RC3H2: variants seen among roughly 807,000 people sequenced by gnomAD.
The protein encoded by RC3H2 is ring finger and CCCH-type domains 2.
A neutral mutation model predicts 133.3 loss-of-function variants in RC3H2; 31 were observed. That is an observed-to-expected ratio of 0.23 (90% CI 0.17 to 0.31). The LOEUF (loss-of-function observed/expected upper bound fraction) is 0.31, where lower values mean the gene tolerates loss of function less well. RC3H2 is among the 10% of genes least tolerant of loss of function. RC3H2 has a pLI of 1.00. For missense variants in RC3H2, 1,175 were observed against 1,437.2 expected (o/e 0.82, Z 2.95); for synonymous variants, 517 against 502.2 (o/e 1.03, Z -0.40).
chr9:122,852,380 G>GC (rs1420966318), intron 18 of RC3H2, among the ~76,000 whole-genome samples: 14 of 142,264 alleles, frequency 9.8e-5, no homozygotes, highest in East Asian at 4.4e-4. Context: ...TCTCCGCCCG[G>GC]CAGCCGCCCC....
At chr9:122,855,421 T>A (rs1441117227) in intron 14 of RC3H2, 24 bp from the exon 15 acceptor site, 1 of 1,589,016 alleles carries the variant, frequency 6.3e-7, no homozygotes, top group African/African-American at 1.3e-5. Context: ...AGAAAATCAA[T>A]AAAAGGACTG....
At chr9:122,875,037 T>C (rs889874972) in intron 9 of RC3H2, 2 of 922,024 alleles carry the variant, frequency 2.2e-6, no homozygotes, top group African/African-American at 3.3e-5. Context: ...GCTCCCCTTT[T>C]AGCTAAAAAG....
Position 122,892,835 on chromosome 9 carries a change from T to A in RC3H2, c.349+74A>T, listed in dbSNP as rs1832244559. ...TCCTTTTCCATAACTTAATAGGGTA[T>A]CCACATCAAGTCATTCAAAGTAAAT... is the stretch of plus-strand genomic sequence containing the variant. On this transcript the variant is annotated intron_variant, in intron 3 of 20. Transcript: ENST00000357244. The A allele has an allele frequency of 8.0e-6, 9 of 1,125,724 alleles. No homozygotes were observed. In the South Asian group the frequency reaches 1.0e-4, roughly 13 times the overall value. The allele number at this position is 1,125,724 out of a possible 1,614,324, so 69.7% of individuals were successfully genotyped here.
intron 1 of RC3H2, among the ~76,000 whole-genome samples, chr9:122,902,323 G>C (rs1832688965): frequency 6.6e-6 from 1 of 152,136 alleles, no homozygotes; most frequent in South Asian, 2.1e-4. Flanking sequence ...TCAAATCATA[G>C]CCAATGGATA....
intron 2 of RC3H2, among the ~76,000 whole-genome samples, chr9:122,893,379 A>T (rs923359450): frequency 2.6e-5 from 4 of 152,190 alleles, no homozygotes; most frequent in Admixed American, 1.3e-4. Flanking sequence ...CTGTGATTCT[A>T]GCTACTCAGG....
Position 122,851,434 on chromosome 9 carries a change from T to G in RC3H2, c.3120A>C (p.Leu1040Phe). 2 of 1,613,790 alleles carry G rather than the reference T, an allele frequency of 1.2e-6. No homozygotes were observed. Among genetic ancestry groups the G allele is most frequent in the Non-Finnish European group, 8.5e-7 (1 of 1,179,864 alleles). ...SKEIELRNGE[L>F]QSDYTEDATD... is the part of the protein sequence containing the mutation. ...TTGCATCTTCTGTATAATCACTCTG[T>G]AACTAAGAAAAATACTGATTTTGCT... The change falls in exon 19 of 21, where the codon TTA becomes TTC. Residue 1040 changes from leucine (L) to phenylalanine (F), a missense_variant and splice_region_variant. Coordinates refer to ENST00000357244, the MANE Select transcript of RC3H2 (RefSeq NM_001100588.3).
chr9:122,871,819 T>G (rs949064911), intron 9 of RC3H2, among the ~76,000 whole-genome samples: 24 of 152,198 alleles, frequency 1.6e-4, no homozygotes, highest in Admixed American at 1.4e-3. Context: ...TTGCCTTTCT[T>G]GCATCTCTCT....
At chr9:122,900,188 GAGA>G (rs2131510380) in intron 1 of RC3H2, among the ~76,000 whole-genome samples, 1 of 152,174 alleles carries the variant, frequency 6.6e-6, no homozygotes, top group East Asian at 1.9e-4. Context: ...AATTAATACT[GAGA>G]AGTTTAATTT....
Position 122,890,399 on chromosome 9 carries a change from G to C in RC3H2, c.496C>G (p.Leu166Val), listed in dbSNP as rs1344556678. ...RSLGERTVTE[L>V]ILQHQNPQQL... ...TGAGGGTTCTGGTGCTGTAATATCA[G>C]TTCTGTTACAGTTCTTTCTCCAAGG... Residue 166 changes from leucine (L) to valine (V), a missense_variant, in exon 4 of 21, where the codon CTG becomes GTG. Leu to Val is a conservative substitution (Grantham distance 32, BLOSUM62 1). This residue lies in a region of RC3H2 where 121 missense variants were observed against 243.5 expected (regional missense o/e 0.50). Transcript: ENST00000357244. 1.5e-5 allele frequency: 25 copies of C among 1,614,140 alleles called. No homozygotes were observed. The highest frequency in any genetic ancestry group is 1.9e-5 in the Non-Finnish European group (23 of 1,180,020).
At chr9:122,887,270 ATTGT>A in intron 4 of RC3H2, among the ~76,000 whole-genome samples, 1 of 152,280 alleles carries the variant, frequency 6.6e-6, no homozygotes, top group East Asian at 1.9e-4. Context: ...TCTCCCTGAA[ATTGT>A]TTGTACATAT....
rs1446394500 is a variant in RC3H2 at position 122,847,502 on chromosome 9, GT to G, written c.*2124del. The G allele has an allele frequency of 1.3e-5, 2 of 152,010 alleles. No individual in the cohort carries two copies. The highest frequency in any genetic ancestry group is 2.4e-5 in the African/African-American group (1 of 41,412). The allele number at this position is 152,010 out of a possible 1,614,324, so 9.4% of individuals were successfully genotyped here. On this transcript the variant is annotated 3_prime_UTR_variant, in exon 21 of 21. Transcript: ENST00000357244. ...AAATATCCATGAAATAGACAGACTG[GT>G]TTGCATATCCTTTTTGGAATTACAA...
intron 5 of RC3H2, among the ~76,000 whole-genome samples, chr9:122,881,241 C>CT (rs1831611628): frequency 1.3e-5 from 2 of 152,080 alleles, no homozygotes; most frequent in African/African-American, 4.8e-5. Context: ...AATCCCAGCA[C>CT]TTTGAGAGGC....
intron 20 of RC3H2, among the ~76,000 whole-genome samples, chr9:122,850,150 T>C (rs1240185671): frequency 6.6e-6 from 1 of 151,964 alleles, no homozygotes; most frequent in Admixed American, 6.5e-5. Context: ...CTATTTTGTA[T>C]TTTTAGTAGA....
chr9:122,855,923 AT>A (rs1830228853), intron 13 of RC3H2, 45 bp from the exon 14 acceptor site: 1 of 1,518,282 alleles, frequency 6.6e-7, no homozygotes, highest in Middle Eastern at 1.7e-4. Flanking sequence ...AGAAGCTTAA[AT>A]TTACAAGCTT....
chr9:122,890,316 C>T lies in RC3H2; in HGVS notation c.579G>A (p.Gly193=). ...TAAGATAGTAACCTATCTTACCTGG[C>T]CCTAAAAACTGGCATCCTCGAGCCC... ...AVRARGCQFL[G]PAMQEEALKL... The change falls in exon 4 of 21, where the codon GGG becomes GGA. Residue 193 remains glycine (G), a synonymous_variant. Coordinates refer to ENST00000357244, the MANE Select transcript of RC3H2 (RefSeq NM_001100588.3). The T allele has an allele frequency of 6.2e-7, 1 of 1,613,786 alleles. No individual in the cohort carries two copies. Among genetic ancestry groups the T allele is most frequent in the African/African-American group, 1.3e-5 (1 of 74,998 alleles).
intron 12 of RC3H2, 81 bp downstream of exon 12, chr9:122,858,588 G>A: frequency 1.8e-6 from 2 of 1,136,832 alleles, no homozygotes; most frequent in African/African-American, 1.5e-5. Context: ...AGTAAGTGGA[G>A]GAGCCAGGAT....
chr9:122,899,958 T>C (rs1183013954), intron 1 of RC3H2, among the ~76,000 whole-genome samples: 1 of 152,204 alleles, frequency 6.6e-6, no homozygotes, highest in Non-Finnish European at 1.5e-5. Context: ...TCTGAAATGC[T>C]TTATATTAAA....
intron 9 of RC3H2, chr9:122,873,847 T>G (rs546275933): frequency 6.6e-6 from 1 of 152,300 alleles, no homozygotes; most frequent in South Asian, 2.1e-4. Context: ...AGACGGAATC[T>G]TGCTCTGTCG....
chr9:122,890,075 A>C (rs777845242), intron 4 of RC3H2: 11 of 598,556 alleles, frequency 1.8e-5, no homozygotes, highest in Admixed American at 2.9e-5. Context: ...ATGGATGTCG[A>C]GGCTGCAGTG....
Sources: allele counts gnomAD v4.1 joint callset (sites outside exome capture counted in the v4.1 genomes callset), GRCh38; gene constraint gnomAD v4.1.1; regional missense constraint gnomAD v4.1.1; transcripts MANE v1.5; gene names NCBI Gene and HGNC (gene_info 2026-07-23, HGNC 2026-07-21).